The following CAPN9 variants were observed in gnomAD, a reference collection of about 807,000 sequenced individuals.
The protein encoded by CAPN9 is calpain-9.
A neutral mutation model predicts 92.8 loss-of-function variants in CAPN9; 81 were observed. The ratio of observed to expected loss-of-function variants is 0.87; its 90% CI spans 0.73 to 1.05. The LOEUF (loss-of-function observed/expected upper bound fraction) is 1.05, where lower values mean the gene tolerates loss of function less well. CAPN9 is among the 50% of genes least tolerant of loss of function. CAPN9 has a pLI of 0.00. For synonymous variants in CAPN9, 304 were observed against 328.0 expected (o/e 0.93, Z 0.79); for missense variants, 848 against 866.2 (o/e 0.98, Z 0.26).
intron 2 of CAPN9, among the ~76,000 whole-genome samples, chr1:230,756,430 T>C (rs1300812299): frequency 3.3e-5 from 5 of 152,114 alleles, no homozygotes; most frequent in African/African-American, 1.2e-4. Context: ...GGTTGATTGA[T>C]TGACTGATAG....
At chr1:230,790,816 T>A (rs2102925796) in intron 14 of CAPN9, among the ~76,000 whole-genome samples, 1 of 152,250 alleles carries the variant, frequency 6.6e-6, no homozygotes, top group East Asian at 1.9e-4. Flanking sequence ...CCAGGTGTGG[T>A]TGTGGGCACC....
intron 2 of CAPN9, among the ~76,000 whole-genome samples, chr1:230,757,006 G>A (rs376928304): frequency 1.5e-4 from 18 of 119,384 alleles, no homozygotes; most frequent in East Asian, 7.1e-4. Flanking sequence ...GGGAGGGAGG[G>A]AGGATGGAAG....
rs1265228280 is a variant in CAPN9 at position 230,759,525 on chromosome 1, A to AT, written c.299dup (p.Leu100PhefsTer10). The AT allele has an allele frequency of 1.2e-6, 2 of 1,608,720 alleles. No homozygotes were observed. Among genetic ancestry groups the AT allele is most frequent in the African/African-American group, 2.7e-5 (2 of 74,634 alleles). Reference sequence around the variant, plus strand: ...TCCATTTTGCAGGAGACTGCTGGCTATTAGCCGCCATCGCCTCCCTTACGC... The same window carrying AT: ...TCCATTTTGCAGGAGACTGCTGGCTATTTAGCCGCCATCGCCTCCCTTACGC... On this transcript the variant is annotated frameshift_variant, in exon 3 of 20. Transcript: ENST00000271971. LOFTEE classifies it high-confidence loss of function.
rs1008129319 is a variant in CAPN9 at position 230,780,619 on chromosome 1, GGA to G, written c.1394_1395del (p.Glu465ValfsTer9). On this transcript the variant is annotated frameshift_variant, in exon 11 of 20. Transcript: ENST00000271971. LOFTEE classifies it high-confidence loss of function. Reference sequence around the variant, plus strand: ...CCGACCGGTTCAAGCTGCCCCCTGGGGAGTACATCCTGATTCCCAGCACTTTT... The same window carrying G: ...CCGACCGGTTCAAGCTGCCCCCTGGGGTACATCCTGATTCCCAGCACTTTT... Reference protein sequence around the residue: ...VSDRFKLPPGEYILIPSTFEP... With the variant: ...VSDRFKLPPGXYILIPSTFEP... 1.9e-6 allele frequency: 3 copies of G among 1,614,118 alleles called. No individual in the cohort carries two copies. The Admixed American group carries it at 5.0e-5, about 27-fold the overall frequency.
At chr1:230,781,246 A>G (rs571011395) in intron 11 of CAPN9, among the ~76,000 whole-genome samples, 29 of 152,236 alleles carry the variant, frequency 1.9e-4, no homozygotes, top group African/African-American at 7.0e-4. Context: ...CCTCAAGCAA[A>G]CCATTGAAAA....
At chr1:230,756,316 G>C (rs1440121456) in intron 2 of CAPN9, among the ~76,000 whole-genome samples, 1 of 152,106 alleles carries the variant, frequency 6.6e-6, no homozygotes, top group Non-Finnish European at 1.5e-5. Context: ...GAGAGAGAGA[G>C]AGAGAGAGAG....
At chr1:230,753,748 G>A (rs1385364255) in intron 1 of CAPN9, among the ~76,000 whole-genome samples, 1 of 151,976 alleles carries the variant, frequency 6.6e-6, no homozygotes, top group African/African-American at 2.4e-5. Flanking sequence ...TGCAGGCCCC[G>A]GCCCAGTTAA....
intron 12 of CAPN9, among the ~76,000 whole-genome samples, chr1:230,786,557 G>A (rs374893868): frequency 3.9e-5 from 6 of 152,278 alleles, no homozygotes; most frequent in African/African-American, 9.6e-5. Flanking sequence ...GTATGGTTGC[G>A]AGGGCCTCTG....
At chr1:230,795,594 T>C in intron 18 of CAPN9, 1 of 286,260 alleles carries the variant, frequency 3.5e-6, no homozygotes, top group South Asian at 3.7e-5. Context: ...CATCATAGCA[T>C]ATAGAAACAG....
At chr1:230,776,480 C>T (rs1666788449) in intron 8 of CAPN9, 1 of 152,206 alleles carries the variant, frequency 6.6e-6, no homozygotes, top group Admixed American at 6.5e-5. Flanking sequence ...GTTCCATGAT[C>T]CCTCTTGCTC....
At chr1:230,757,019 A>T (rs867872029) in intron 2 of CAPN9, among the ~76,000 whole-genome samples, 3 of 72,780 alleles carry the variant, frequency 4.1e-5, no homozygotes. Context: ...GATGGAAGGA[A>T]GGAAGGAAGG....
At chr1:230,795,979 T>C (rs895058883) in intron 18 of CAPN9, among the ~76,000 whole-genome samples, 19 of 151,100 alleles carry the variant, frequency 1.3e-4, no homozygotes, top group Admixed American at 1.3e-3. Flanking sequence ...TCCTGCTTGG[T>C]ATTTTCTAAT....
At chr1:230,768,788 C>T (rs2102867146) in intron 5 of CAPN9, among the ~76,000 whole-genome samples, 1 of 152,164 alleles carries the variant, frequency 6.6e-6, no homozygotes, top group East Asian at 1.9e-4. Context: ...TAGCCAGTTC[C>T]TCTGCACTTT....
In CAPN9 at chr1:230,795,143, C is replaced by T. The variant is rs1668263986; in HGVS notation, c.1871-20C>T. On this transcript the variant is annotated intron_variant, in intron 17 of 19. Coordinates refer to ENST00000271971, the MANE Select transcript of CAPN9 (RefSeq NM_006615.3). ...GGCTCGGATACAGCGAGTCCTGGGT[C>T]TCCTCCTTTGTCCCCACAGGCTTTC... 1.3e-6 allele frequency: 2 copies of T among 1,521,684 alleles called. No homozygotes were observed. Among genetic ancestry groups the T allele is most frequent in the Non-Finnish European group, 1.8e-6 (2 of 1,097,118 alleles). The allele number at this position is 1,521,684 out of a possible 1,614,324, so 94.3% of individuals were successfully genotyped here. A position where few individuals can be genotyped will look rare whatever the true frequency, so the allele number is the denominator to read the frequency against.
intron 10 of CAPN9, 39 bp from the exon 11 acceptor site, chr1:230,780,461 A>G (rs1667141380): frequency 6.2e-7 from 1 of 1,606,060 alleles, no homozygotes; most frequent in South Asian, 1.1e-5. Context: ...GCCAAGAGGA[A>G]CTTCCCTAGG....
chr1:230,800,131 T>C (rs1668580355), intron 19 of CAPN9, among the ~76,000 whole-genome samples: 1 of 150,494 alleles, frequency 6.6e-6, no homozygotes, highest in Admixed American at 6.6e-5. Flanking sequence ...TGAGCCAAGA[T>C]TGTGCCACTG....
chr1:230,798,980 A>G (rs1668521259), intron 19 of CAPN9, among the ~76,000 whole-genome samples: 1 of 152,192 alleles, frequency 6.6e-6, no homozygotes, highest in Admixed American at 6.5e-5. Context: ...ACTGTGGAGC[A>G]GTTTCCTTCA....
intron 7 of CAPN9, among the ~76,000 whole-genome samples, chr1:230,773,393 T>C (rs1227041633): frequency 6.6e-6 from 1 of 152,142 alleles, no homozygotes; most frequent in Admixed American, 6.5e-5. Flanking sequence ...CGTCACGTTG[T>C]AAGATGTGCA....
At chr1:230,783,293 A>G (rs1173449042) in intron 11 of CAPN9, among the ~76,000 whole-genome samples, 4 of 152,230 alleles carry the variant, frequency 2.6e-5, no homozygotes, top group Non-Finnish European at 4.4e-5. Flanking sequence ...TTTTAGTTTC[A>G]TAAATCCAGA....
Sources: gnomAD v4.1 joint callset for allele counts (sites outside exome capture counted in the v4.1 genomes callset) on GRCh38, gnomAD v4.1.1 for gene constraint, MANE v1.5 for transcripts, NCBI Gene and HGNC (gene_info 2026-07-23, HGNC 2026-07-21) for gene names.